Variants in JADE3 observed in about 807,000 individuals in gnomAD.
The protein encoded by JADE3 is jade family PHD finger 3.
Under a neutral mutation model 50.1 loss-of-function variants are expected in JADE3, and 2 were observed. The ratio of observed to expected loss-of-function variants is 0.04; its 90% CI spans 0.02 to 0.13. The LOEUF is 0.13. Among genes scored for constraint, JADE3 ranks in the 10% least tolerant of loss-of-function variants. JADE3 has a pLI of 1.00. For missense variants in JADE3, 475 were observed against 634.4 expected (o/e 0.75, Z 2.70); for synonymous variants, 218 against 232.9 (o/e 0.94, Z 0.58).
chrX:47,049,755 C>CTTTTTTTTT (rs536912145), intron 8 of JADE3, among the ~76,000 whole-genome samples: 6 of 55,883 alleles, frequency 1.1e-4, no homozygotes, highest in African/African-American at 2.0e-4. Context: ...TCTTCTTCTT[C>CTTTTTTTTT]TTTTTTTTTT....
At chrX:47,010,963 A>T (rs1035514949) in intron 4 of JADE3, among the ~76,000 whole-genome samples, 1 of 111,817 alleles carries the variant, frequency 8.9e-6, no homozygotes, top group Non-Finnish European at 1.9e-5. Context: ...GTGTCCTCAC[A>T]TGGCCTTTCT....
At chrX:46,976,737 A>AT (rs1181047707) in intron 1 of JADE3, among the ~76,000 whole-genome samples, 1 of 111,849 alleles carries the variant, frequency 8.9e-6, no homozygotes, top group Admixed American at 9.5e-5. Flanking sequence ...TTCTAAGGTA[A>AT]TTTTTTTCAT....
chrX:47,053,631 T>C (rs1556372719), intron 8 of JADE3, among the ~76,000 whole-genome samples: 1 of 112,800 alleles, frequency 8.9e-6, no homozygotes, highest in East Asian at 2.8e-4. Flanking sequence ...TATGACTTTT[T>C]TAGAACCAGT....
At chrX:46,987,807 G>A (rs1315488931) in intron 3 of JADE3, among the ~76,000 whole-genome samples, 1 of 112,152 alleles carries the variant, frequency 8.9e-6, no homozygotes, top group East Asian at 2.8e-4. Flanking sequence ...TGCCTCCCAG[G>A]CAGTGGTAAT....
intron 1 of JADE3, among the ~76,000 whole-genome samples, chrX:46,935,149 GTC>G (rs1254260624): frequency 9.0e-6 from 1 of 110,986 alleles, no homozygotes; most frequent in African/African-American, 3.3e-5. Context: ...GGCCAGGCTG[GTC>G]TCAAACTCCT....
At chrX:46,981,998 G>A (rs1471958953) in intron 1 of JADE3, among the ~76,000 whole-genome samples, 1 of 111,299 alleles carries the variant, frequency 9.0e-6, no homozygotes, top group Non-Finnish European at 1.9e-5. Context: ...AGTTCTTTGA[G>A]TTTCCTGAAT....
At chrX:46,998,300 G>C in intron 4 of JADE3, 23 bp downstream of exon 4, 1 of 1,185,484 alleles carries the variant, frequency 8.4e-7, no homozygotes, top group Non-Finnish European at 1.1e-6. Flanking sequence ...TTGCACCTTT[G>C]ACTTAGGGAA....
intron 8 of JADE3, among the ~76,000 whole-genome samples, chrX:47,053,190 G>T (rs1929556999): frequency 8.9e-6 from 1 of 111,980 alleles, no homozygotes; most frequent in Admixed American, 9.5e-5. Flanking sequence ...GGAGGCTGAG[G>T]CTGGTGGATC....
intron 1 of JADE3, among the ~76,000 whole-genome samples, chrX:46,946,005 G>A (rs1272924515): frequency 1.3e-4 from 14 of 111,834 alleles, no homozygotes; most frequent in African/African-American, 4.2e-4. Flanking sequence ...ATTCCTTATA[G>A]TGCATACATT....
At chrX:46,925,265 AG>A (rs1392313547) in intron 1 of JADE3, among the ~76,000 whole-genome samples, 1 of 112,370 alleles carries the variant, frequency 8.9e-6, no homozygotes, top group Non-Finnish European at 1.9e-5. Context: ...GTTTGACTGT[AG>A]AAATTGCTGT....
intron 4 of JADE3, among the ~76,000 whole-genome samples, chrX:47,011,438 G>A: frequency 8.9e-6 from 1 of 111,838 alleles, no homozygotes; most frequent in Non-Finnish European, 1.9e-5. Context: ...GAATAATGGT[G>A]CTATAAACAT....
In JADE3 at chrX:47,060,247, G is replaced by C. The variant is rs1025752429; in HGVS notation, c.*1170G>C. ...GAATAATTACATTTGCGGGGGGGGGGGTGGATAAAAACATGTCTGCTTCTC... is the reference window on the plus strand; with the variant it reads ...GAATAATTACATTTGCGGGGGGGGGCGTGGATAAAAACATGTCTGCTTCTC... On this transcript the variant is annotated 3_prime_UTR_variant, in exon 11 of 11. Transcript: ENST00000614628. 2.0e-5 allele frequency: 2 copies of C among 99,703 alleles called. No homozygotes were observed. The highest frequency in any genetic ancestry group is 4.1e-5 in the Non-Finnish European group (2 of 49,174). 8.2% of individuals were successfully genotyped at this position (99,703 alleles called of 1,213,427 possible).
chrX:47,009,100 A>G, intron 4 of JADE3, among the ~76,000 whole-genome samples: 1 of 110,626 alleles, frequency 9.0e-6, no homozygotes, highest in Non-Finnish European at 1.9e-5. Flanking sequence ...AGGCGGGAGG[A>G]TTACTTGAGC....
rs1929711804 is a variant in JADE3 at position 47,059,344 on chromosome X, T to G, written c.*267T>G. On this transcript the variant is annotated 3_prime_UTR_variant, in exon 11 of 11. Coordinates refer to ENST00000614628, the MANE Select transcript of JADE3 (RefSeq NM_014735.5). The stretch of plus-strand genomic sequence containing the variant: ...CAGGGTATTTGCTCAGTAAATATTT[T>G]GGGGCAGCTTTCCGGTTATATAACA... 7 of 299,167 alleles carry G rather than the reference T, an allele frequency of 2.3e-5. No homozygotes were observed. The highest frequency in any genetic ancestry group is 5.7e-5 in the Admixed American group (1 of 17,596). The allele number at this position is 299,167 out of a possible 1,213,427, so 24.7% of individuals were successfully genotyped here. A position where few individuals can be genotyped will look rare whatever the true frequency, so the allele number is the denominator to read the frequency against.
At chrX:46,935,526 A>G (rs782644529) in intron 1 of JADE3, among the ~76,000 whole-genome samples, 2 of 110,580 alleles carry the variant, frequency 1.8e-5, no homozygotes, top group South Asian at 3.9e-4. Flanking sequence ...TCCACCTCCT[A>G]TCAGATCAGT....
intron 3 of JADE3, among the ~76,000 whole-genome samples, chrX:46,993,805 TAAGG>T (rs1556356627): frequency 2.7e-5 from 3 of 112,508 alleles, no homozygotes; most frequent in Non-Finnish European, 5.6e-5. Context: ...ACAGAGTTTT[TAAGG>T]GTTTTAGGCA....
At position 46,935,829 on chromosome X, in the gene JADE3, T is replaced by TC. The variant is rs1442656384; in HGVS notation, c.-12+23110_-12+23111insC. ...TGTTTCAACTTTAAGTCTTTCACTT[T>TC]TTTTTTTTTTTTTTTTTTTGAGGCA... On this transcript the variant is annotated intron_variant, in intron 1 of 10. Transcript: ENST00000614628. Among the ~76,000 whole-genome samples, 7 of 94,002 alleles carry TC rather than the reference T, an allele frequency of 7.4e-5. No individual in the cohort carries two copies. In the East Asian group the frequency reaches 2.3e-3, roughly 31 times the overall value. 81.6% of individuals were successfully genotyped at this position (94,002 alleles called of 115,157 possible).
rs1926596703 is a variant in JADE3, at chrX:46,935,530, G to T, written c.-12+22811G>T. Among the ~76,000 whole-genome samples the T allele has an allele frequency of 2.7e-5, 3 of 110,601 alleles. No individual in the cohort carries two copies. In the South Asian group the frequency reaches 1.2e-3, roughly 43 times the overall value. The stretch of plus-strand genomic sequence containing the variant: ...CCTGCCTGAGCTCCACCTCCTATCA[G>T]ATCAGTGGTTGCATTAGATTCTCAT... On this transcript the variant is annotated intron_variant, in intron 1 of 10. Transcript: ENST00000614628.
rs1927833628 is a variant in JADE3, at chrX:46,985,069, C to T, written c.46+129C>T. 5.9e-6 allele frequency: 3 copies of T among 505,680 alleles called. No homozygotes were observed. The South Asian group carries it at 9.6e-5, about 16-fold the overall frequency. 41.7% of individuals were successfully genotyped at this position (505,680 alleles called of 1,213,427 possible). A position where few individuals can be genotyped will look rare whatever the true frequency, so the allele number is the denominator to read the frequency against. On this transcript the variant is annotated intron_variant, in intron 2 of 10. Coordinates refer to ENST00000614628, the MANE Select transcript of JADE3 (RefSeq NM_014735.5). Reference sequence around the variant, plus strand: ...AAAAATGTTTCTGAGAAGGAAAATTCAGGGCACCATTATCTTATTTAAATT... The same window carrying T: ...AAAAATGTTTCTGAGAAGGAAAATTTAGGGCACCATTATCTTATTTAAATT...
Sources: gnomAD v4.1 joint callset for allele counts (sites outside exome capture counted in the v4.1 genomes callset) on GRCh38, gnomAD v4.1.1 for gene constraint, MANE v1.5 for transcripts, NCBI Gene and HGNC (gene_info 2026-07-23, HGNC 2026-07-21) for gene names.